The following PTPDC1 variants were observed in gnomAD, a reference collection of about 807,000 sequenced individuals.
The protein encoded by PTPDC1 is protein tyrosine phosphatase domain-containing protein 1.
PTPDC1 carries 53 observed loss-of-function variants against 75.3 expected under a neutral mutation model. The ratio of observed to expected loss-of-function variants is 0.70; its 90% CI spans 0.56 to 0.88. The LOEUF is 0.88. Among genes scored for constraint, PTPDC1 ranks in the 40% least tolerant of loss-of-function variants. PTPDC1 has a pLI of 0.00. For missense variants in PTPDC1, 925 were observed against 998.6 expected (o/e 0.93, Z 0.99); for synonymous variants, 349 against 366.2 (o/e 0.95, Z 0.54).
chr9:94,043,544 T>TC (rs1181231489), intron 1 of PTPDC1, among the ~76,000 whole-genome samples: 2 of 151,750 alleles, frequency 1.3e-5, no homozygotes, highest in East Asian at 1.9e-4. Flanking sequence ...TGAAAATGAC[T>TC]CCCCCCCTCT....
At chr9:94,072,049 C>T (rs144568163) in intron 2 of PTPDC1, among the ~76,000 whole-genome samples, 1 of 152,110 alleles carries the variant, frequency 6.6e-6, no homozygotes, top group Non-Finnish European at 1.5e-5. Flanking sequence ...CTCTGTTGCC[C>T]AGGATGGGAG....
chr9:94,037,561 G>A (rs890337411), intron 1 of PTPDC1, among the ~76,000 whole-genome samples: 1 of 152,140 alleles, frequency 6.6e-6, no homozygotes, highest in Non-Finnish European at 1.5e-5. Context: ...TGGTAAGTAA[G>A]TAGCTTTTTA....
In PTPDC1 at chr9:94,097,672, G is replaced by A. The variant is rs986306947; in HGVS notation, c.1106G>A (p.Gly369Asp). The A allele has an allele frequency of 6.2e-7, 1 of 1,614,170 alleles. No homozygotes were observed. The highest frequency in any genetic ancestry group is 1.7e-5 in the Admixed American group (1 of 60,026). The change falls in exon 6 of 9, where the codon GGT becomes GAT. Residue 369 changes from glycine (G) to aspartate (D), a missense_variant. Physicochemically the swap from Gly to Asp is moderately conservative, Grantham distance 94 (BLOSUM62 -1). Coordinates refer to ENST00000620992, the MANE Select transcript of PTPDC1 (RefSeq NM_001253829.2). ...ATGAAGGATGTGTCCGAAGGACCTG[G>A]TCTCTCTGCTGAAATAGAAAAGACA... is the stretch of plus-strand genomic sequence containing the variant. ...VMMKDVSEGP[G>D]LSAEIEKTMS...
chr9:94,094,725 C>T (rs76777967), intron 4 of PTPDC1, among the ~76,000 whole-genome samples: 4 of 152,228 alleles, frequency 2.6e-5, no homozygotes, highest in Non-Finnish European at 5.9e-5. Context: ...TAACAATCAG[C>T]GAGACTCCGT....
chr9:94,072,747 T>A (rs1211800876), intron 2 of PTPDC1, among the ~76,000 whole-genome samples: 1 of 152,226 alleles, frequency 6.6e-6, no homozygotes, highest in Non-Finnish European at 1.5e-5. Context: ...TGAATTTTTT[T>A]ATCTAATGCT....
intron 1 of PTPDC1, among the ~76,000 whole-genome samples, chr9:94,053,313 G>GTT (rs1017691604): frequency 6.8e-6 from 1 of 146,988 alleles, no homozygotes; most frequent in South Asian, 2.2e-4. Flanking sequence ...AAAGAAAAGG[G>GTT]TTTTTTTTTT....
At chr9:94,061,553 C>A (rs1455429239) in intron 1 of PTPDC1, among the ~76,000 whole-genome samples, 1 of 152,264 alleles carries the variant, frequency 6.6e-6, no homozygotes, top group Admixed American at 6.5e-5. Context: ...CCTGGACATT[C>A]AGGTTTTTCC....
At chr9:94,058,537 G>GAA (rs1363885854) in intron 1 of PTPDC1, among the ~76,000 whole-genome samples, 2 of 134,440 alleles carry the variant, frequency 1.5e-5, no homozygotes, top group African/African-American at 2.7e-5. Flanking sequence ...CATCTCTACT[G>GAA]AAAAAAAAAA....
In PTPDC1 at chr9:94,098,659, CTTAT is replaced by C. The variant is rs1184465625; in HGVS notation, c.2013+86_2013+89del. The C allele has an allele frequency of 5.9e-6, 7 of 1,193,474 alleles. No homozygotes were observed. In the East Asian group the frequency reaches 9.8e-5, roughly 17 times the overall value. 73.9% of individuals were successfully genotyped at this position (1,193,474 alleles called of 1,614,324 possible). On this transcript the variant is annotated intron_variant, in intron 6 of 8. Coordinates refer to ENST00000620992, the MANE Select transcript of PTPDC1 (RefSeq NM_001253829.2). ...CAAAAGTGTGATACATTTTCCCAAA[CTTAT>C]TTATTATAGAAATGTGAAGATACGT... is the stretch of plus-strand genomic sequence containing the variant.
chr9:94,044,667 C>G (rs1825533061), intron 1 of PTPDC1, among the ~76,000 whole-genome samples: 1 of 151,674 alleles, frequency 6.6e-6, no homozygotes, highest in Admixed American at 6.6e-5. Context: ...CCATGAAAGA[C>G]AATTATGTTG....
At chr9:94,048,459 T>C (rs1056735163) in intron 1 of PTPDC1, among the ~76,000 whole-genome samples, 1 of 152,248 alleles carries the variant, frequency 6.6e-6, no homozygotes, top group African/African-American at 2.4e-5. Context: ...CATTTTGTTA[T>C]GTACCCAGTA....
At chr9:94,048,858 C>G (rs1346868308) in intron 1 of PTPDC1, among the ~76,000 whole-genome samples, 1 of 152,158 alleles carries the variant, frequency 6.6e-6, no homozygotes, top group Non-Finnish European at 1.5e-5. Context: ...TTGTAGTTCT[C>G]TAAGGACTTG....
At chr9:94,082,580 G>A (rs181571164), upstream of PTPDC1, among the ~76,000 whole-genome samples, 67 of 152,182 alleles carry the variant, frequency 4.4e-4, no homozygotes, top group Admixed American at 8.5e-4. Context: ...TTTGGTTCTC[G>A]TGTCCAGAGG....
rs754823541 is a variant in PTPDC1, at chr9:94,097,350, G to A, written c.784G>A (p.Ala262Thr). ...GVLIACYLVF[A>T]TRMTADQAII... is the part of the protein sequence containing the mutation. Reference sequence around the variant, plus strand: ...TTTAATAGCCTGTTACTTAGTTTTTGCAACGAGAATGACTGCTGACCAAGC... The same window carrying A: ...TTTAATAGCCTGTTACTTAGTTTTTACAACGAGAATGACTGCTGACCAAGC... The change falls in exon 6 of 9, where the codon GCA becomes ACA. Residue 262 changes from alanine (A) to threonine (T), a missense_variant. Transcript: ENST00000620992. The A allele has an allele frequency of 5.6e-6, 9 of 1,608,932 alleles. No homozygotes were observed. In the South Asian group the frequency reaches 8.9e-5, roughly 16 times the overall value.
chr9:94,095,261 T>TAA, intron 4 of PTPDC1, 56 bp from the exon 5 acceptor site: 1 of 1,185,724 alleles, frequency 8.4e-7, no homozygotes, highest in Non-Finnish European at 1.1e-6. Context: ...CATTAGTGTT[T>TAA]GTACTTTCAT....
At chr9:94,051,042 G>A (rs1293634167) in intron 1 of PTPDC1, among the ~76,000 whole-genome samples, 4 of 152,178 alleles carry the variant, frequency 2.6e-5, no homozygotes, top group Non-Finnish European at 4.4e-5. Context: ...CTGGTGTGCC[G>A]TTTGCTAAGA....
At chr9:94,071,254 A>G (rs752567014) in intron 2 of PTPDC1, among the ~76,000 whole-genome samples, 16 of 152,238 alleles carry the variant, frequency 1.1e-4, no homozygotes, top group Middle Eastern at 3.4e-3. Flanking sequence ...GCATTTCCTT[A>G]ATGGCTAATG....
intron 1 of PTPDC1, among the ~76,000 whole-genome samples, chr9:94,047,773 G>C (rs1192915404): frequency 3.3e-5 from 5 of 152,182 alleles, no homozygotes; most frequent in Non-Finnish European, 4.4e-5. Flanking sequence ...ACTACCATCA[G>C]AGAATACTAT....
At chr9:94,064,124 T>C (rs1826224040) in intron 1 of PTPDC1, among the ~76,000 whole-genome samples, 1 of 152,198 alleles carries the variant, frequency 6.6e-6, no homozygotes, top group African/African-American at 2.4e-5. Context: ...CAAAGTTGAA[T>C]TACACAGTTG....
Sources: gnomAD v4.1 joint callset for allele counts (sites outside exome capture counted in the v4.1 genomes callset) on GRCh38, gnomAD v4.1.1 for gene constraint, MANE v1.5 for transcripts, NCBI Gene and HGNC (gene_info 2026-07-23, HGNC 2026-07-21) for gene names.